CSMD1: variants seen among roughly 807,000 people sequenced by gnomAD.
CSMD1 encodes the protein CUB and sushi domain-containing protein 1.
Under a neutral mutation model 417.5 loss-of-function variants are expected in CSMD1, and 213 were observed. The observed-to-expected ratio is 0.51, with a 90% CI of 0.46 to 0.57. The LOEUF (loss-of-function observed/expected upper bound fraction) is 0.57, where lower values mean the gene tolerates loss of function less well. Ranked by LOEUF, CSMD1 falls within the 20% of genes least tolerant of loss-of-function variation. CSMD1 has a pLI of 0.00. For missense variants in CSMD1, 6,923 were observed against 4,529.7 expected (o/e 1.53, Z -15.17); for synonymous variants, 2,862 against 1,736.8 (o/e 1.65, Z -16.11).
At chr8:4,428,736 T>C (rs1055572293) in intron 2 of CSMD1, among the ~76,000 whole-genome samples, 1 of 152,170 alleles carries the variant, frequency 6.6e-6, no homozygotes, top group Admixed American at 6.5e-5. Context: ...TATTTATTTA[T>C]TGAGAAGGAG....
chr8:3,766,639 C>T (rs369444079), intron 5 of CSMD1, among the ~76,000 whole-genome samples: 2 of 151,502 alleles, frequency 1.3e-5, no homozygotes, highest in Non-Finnish European at 2.9e-5. Context: ...CACGCACAGT[C>T]GATACTCAAA....
intron 3 of CSMD1, among the ~76,000 whole-genome samples, chr8:4,194,751 C>T (rs568479203): frequency 6.6e-6 from 1 of 151,422 alleles, no homozygotes; most frequent in Non-Finnish European, 1.5e-5. Flanking sequence ...TTTAAATAAA[C>T]ATTTTTTTTA....
intron 3 of CSMD1, among the ~76,000 whole-genome samples, chr8:4,132,519 T>C (rs1443137771): frequency 1.3e-5 from 2 of 152,200 alleles, no homozygotes; most frequent in Admixed American, 6.5e-5. Flanking sequence ...TTCCCCTGTT[T>C]CTGGGTATAA....
chr8:4,020,566 G>T (rs944124964), intron 4 of CSMD1, among the ~76,000 whole-genome samples: 1 of 152,174 alleles, frequency 6.6e-6, no homozygotes, highest in Non-Finnish European at 1.5e-5. Context: ...CCAAGATGGA[G>T]AAGTCTGAGA....
chr8:4,865,916 C>T (rs990341813), intron 1 of CSMD1, among the ~76,000 whole-genome samples: 1 of 151,806 alleles, frequency 6.6e-6, no homozygotes, highest in African/African-American at 2.4e-5. Context: ...CACTGAGGAG[C>T]TTTCATCTTC....
chr8:3,224,668 T>C (rs2116876151), intron 27 of CSMD1, among the ~76,000 whole-genome samples: 2 of 152,332 alleles, frequency 1.3e-5, no homozygotes, highest in Admixed American at 1.3e-4. Flanking sequence ...CAAATTTAGT[T>C]TGTGTTTGAA....
chr8:4,741,973 A>G (rs971865740), intron 1 of CSMD1, among the ~76,000 whole-genome samples: 2 of 119,724 alleles, frequency 1.7e-5, no homozygotes, highest in Non-Finnish European at 3.2e-5. Context: ...AGCTGGGACT[A>G]TAGGTCCGCA....
chr8:3,751,275 C>G (rs954724717), intron 6 of CSMD1, among the ~76,000 whole-genome samples: 2 of 149,136 alleles, frequency 1.3e-5, no homozygotes, highest in African/African-American at 4.9e-5. Context: ...TTTTTGACTC[C>G]TCTCTCCTTA....
At chr8:3,904,346 T>C (rs984864175) in intron 5 of CSMD1, among the ~76,000 whole-genome samples, 1 of 152,076 alleles carries the variant, frequency 6.6e-6, no homozygotes, top group African/African-American at 2.4e-5. Flanking sequence ...AAATAGAAAA[T>C]ATGTGACAGA....
At chr8:4,560,293 A>C (rs1798271866) in intron 2 of CSMD1, among the ~76,000 whole-genome samples, 1 of 152,240 alleles carries the variant, frequency 6.6e-6, no homozygotes, top group Non-Finnish European at 1.5e-5. Flanking sequence ...GCAGTTCTCT[A>C]GAAAGTTGTT....
chr8:4,139,289 G>C lies in CSMD1; in HGVS notation c.416-107190C>G, dbSNP rs545797847. Among the ~76,000 whole-genome samples, 9 of 152,324 alleles carry C rather than the reference G, an allele frequency of 5.9e-5. 1 individual carries two copies. The South Asian group carries it at 6.2e-4, about 11-fold the overall frequency. On this transcript the variant is annotated intron_variant, in intron 3 of 69. Coordinates refer to ENST00000635120, the MANE Select transcript of CSMD1 (RefSeq NM_033225.6). ...TAAAGTGTTGCATAATTGGCACCCT[G>C]TGTCTTACAGCTGTCGTTATACTTA...
At chr8:3,720,444 C>T (rs141508110) in intron 6 of CSMD1, among the ~76,000 whole-genome samples, 3 of 152,306 alleles carry the variant, frequency 2.0e-5, no homozygotes, top group South Asian at 4.1e-4. Context: ...TTAAGCACTT[C>T]AACAGAATAC....
In CSMD1 at chr8:3,707,808, G is replaced by T. The variant is rs1454133431; in HGVS notation, c.1009+606C>A. The stretch of plus-strand genomic sequence containing the variant: ...GGCATGGTCAGGGCTTCCTATGGCT[G>T]AGTGATGACGATGGGCATTTAGGAG... On this transcript the variant is annotated intron_variant, in intron 7 of 69. Coordinates refer to ENST00000635120, the MANE Select transcript of CSMD1 (RefSeq NM_033225.6). Among the ~76,000 whole-genome samples the T allele has an allele frequency of 2.6e-5, 4 of 152,328 alleles. No individual in the cohort carries two copies. In the East Asian group the frequency reaches 5.8e-4, roughly 22 times the overall value.
intron 5 of CSMD1, among the ~76,000 whole-genome samples, chr8:3,996,156 A>G (rs1036642863): frequency 4.0e-5 from 6 of 151,388 alleles, no homozygotes; most frequent in African/African-American, 1.4e-4. Flanking sequence ...CATAGGTTCT[A>G]GAATCACTAA....
At chr8:3,108,453 C>G in intron 44 of CSMD1, 150 bp downstream of exon 44, 2 of 673,790 alleles carry the variant, frequency 3.0e-6, no homozygotes, top group Non-Finnish European at 4.9e-6. Context: ...AAAAAAGGAC[C>G]ACAGGAAACG....
intron 7 of CSMD1, among the ~76,000 whole-genome samples, chr8:3,682,302 G>C (rs1799707296): frequency 6.6e-6 from 1 of 151,982 alleles, no homozygotes; most frequent in Non-Finnish European, 1.5e-5. Context: ...TCTGACAAAG[G>C]GCTAATATCC....
intron 42 of CSMD1, among the ~76,000 whole-genome samples, chr8:3,115,543 G>C (rs1014386542): frequency 6.6e-6 from 1 of 152,050 alleles, no homozygotes; most frequent in African/African-American, 2.4e-5. Context: ...TGAGACTTCT[G>C]TGTAATTATG....
Position 3,690,304 on chromosome 8 carries a change from G to A in CSMD1, c.1009+18110C>T, listed in dbSNP as rs114513642. On this transcript the variant is annotated intron_variant, in intron 7 of 69. Transcript: ENST00000635120. The stretch of plus-strand genomic sequence containing the variant: ...TTGAGCCCAGGAGGTGGCAGTGACC[G>A]AAGATCGCACCACTGCACTGCAGCC... Among the ~76,000 whole-genome samples the A allele has an allele frequency of 9.8e-3, 1,499 of 152,332 alleles. 22 individuals carry two copies. Among genetic ancestry groups the A allele is most frequent in the African/African-American group, 0.031 (1,306 of 41,574 alleles).
At chr8:3,260,622 C>G (rs887506713) in intron 26 of CSMD1, among the ~76,000 whole-genome samples, 1 of 151,128 alleles carries the variant, frequency 6.6e-6, no homozygotes, top group African/African-American at 2.4e-5. Context: ...GGCTCCAGTG[C>G]TTAGGGAGAG....
Sources: gnomAD v4.1 joint callset for allele counts (sites outside exome capture counted in the v4.1 genomes callset) on GRCh38, gnomAD v4.1.1 for gene constraint, MANE v1.5 for transcripts, NCBI Gene and HGNC (gene_info 2026-07-23, HGNC 2026-07-21) for gene names.